Variants in NYAP2 observed in about 807,000 individuals in gnomAD.
NYAP2 encodes neuronal tyrosine-phosphorylated phosphoinositide-3-kinase adapter 2.
A neutral mutation model predicts 50.4 loss-of-function variants in NYAP2; 23 were observed. The ratio of observed to expected loss-of-function variants is 0.46; its 90% CI spans 0.33 to 0.65. NYAP2 has a LOEUF of 0.65. Among genes scored for constraint, NYAP2 ranks in the 30% least tolerant of loss-of-function variants. NYAP2 has a pLI of 0.02. For synonymous variants in NYAP2, 394 were observed against 365.2 expected (o/e 1.08, Z -0.90); for missense variants, 885 against 861.0 (o/e 1.03, Z -0.35).
At chr2:225,458,531 C>A (rs549569775) in intron 3 of NYAP2, among the ~76,000 whole-genome samples, 1 of 152,062 alleles carries the variant, frequency 6.6e-6, no homozygotes, top group Non-Finnish European at 1.5e-5. Context: ...TATCTGATTG[C>A]CAAACAAAAG....
chr2:225,515,423 A>T (rs1439891144), intron 4 of NYAP2, among the ~76,000 whole-genome samples: 1 of 152,172 alleles, frequency 6.6e-6, no homozygotes, highest in East Asian at 1.9e-4. Context: ...GAATACTCAG[A>T]TTGATTGTTT....
At chr2:225,502,176 G>C (rs1690619118) in intron 3 of NYAP2, among the ~76,000 whole-genome samples, 1 of 152,220 alleles carries the variant, frequency 6.6e-6, no homozygotes, top group Admixed American at 6.5e-5. Context: ...GCACTGTAGA[G>C]AAAGATCAGC....
chr2:225,691,551 C>T, the NYAP2 span, among the ~76,000 whole-genome samples: 1 of 152,074 alleles, frequency 6.6e-6, no homozygotes, highest in Non-Finnish European at 1.5e-5. Flanking sequence ...TGTTTATGTG[C>T]TTACTTTTTC....
At chr2:225,504,212 T>G (rs1210700606) in intron 3 of NYAP2, among the ~76,000 whole-genome samples, 3 of 152,174 alleles carry the variant, frequency 2.0e-5, no homozygotes, top group African/African-American at 7.2e-5. Flanking sequence ...GATGGCAGAT[T>G]CAGTGTCTGG....
exon 3 of NYAP2, chr2:225,408,885 T>C (rs377610166): frequency 2.0e-5 from 32 of 1,603,240 alleles, no homozygotes; most frequent in Non-Finnish European, 2.6e-5. Context: ...CTTTACATGA[T>C]ATCCTCCAAG....
the NYAP2 span, among the ~76,000 whole-genome samples, chr2:225,682,352 G>T: frequency 6.6e-6 from 1 of 152,266 alleles, no homozygotes; most frequent in East Asian, 1.9e-4. Flanking sequence ...AGTGTGAAAA[G>T]CCATGAGTAA....
chr2:225,659,711 C>A, the NYAP2 span, among the ~76,000 whole-genome samples: 1 of 152,086 alleles, frequency 6.6e-6, no homozygotes, highest in East Asian at 1.9e-4. Flanking sequence ...GGCTGTAAGA[C>A]CTGGAATATG....
intron 3 of NYAP2, among the ~76,000 whole-genome samples, chr2:225,506,057 G>C (rs1011415837): frequency 6.6e-6 from 1 of 150,540 alleles, no homozygotes; most frequent in Non-Finnish European, 1.5e-5. Context: ...GACTGAGAGA[G>C]AGAAAAAAAA....
At chr2:225,552,896 C>T (rs1691702863) in intron 4 of NYAP2, among the ~76,000 whole-genome samples, 1 of 152,140 alleles carries the variant, frequency 6.6e-6, no homozygotes, top group Non-Finnish European at 1.5e-5. Flanking sequence ...CCATATTGGC[C>T]AGGTTGGTCT....
intron 3 of NYAP2, among the ~76,000 whole-genome samples, chr2:225,409,812 T>C (rs971049046): frequency 3.3e-5 from 5 of 152,112 alleles, no homozygotes; most frequent in South Asian, 2.1e-4. Context: ...AGTTTGCCTG[T>C]GTGTGTGTCT....
intron 4 of NYAP2, among the ~76,000 whole-genome samples, chr2:225,576,832 G>A (rs574501583): frequency 3.9e-5 from 6 of 152,226 alleles, no homozygotes; most frequent in African/African-American, 1.4e-4. Flanking sequence ...GGTTAGTAAG[G>A]AATTCATATT....
chr2:225,501,719 A>G (rs1049397598), intron 3 of NYAP2, among the ~76,000 whole-genome samples: 1 of 152,204 alleles, frequency 6.6e-6, no homozygotes, highest in East Asian at 1.9e-4. Flanking sequence ...GAAAATGCCT[A>G]TCCCAAAATA....
the NYAP2 span, among the ~76,000 whole-genome samples, chr2:225,690,064 G>A: frequency 6.6e-6 from 1 of 152,080 alleles, no homozygotes; most frequent in African/African-American, 2.4e-5. Context: ...GAAAATTATA[G>A]TGCAGAGTCA....
chr2:225,583,933 G>A (rs1002490596), intron 5 of NYAP2, among the ~76,000 whole-genome samples: 6 of 151,996 alleles, frequency 3.9e-5, no homozygotes, highest in South Asian at 2.1e-4. Context: ...TCCCAGCTAC[G>A]CGGGAGGCTG....
intron 3 of NYAP2, among the ~76,000 whole-genome samples, chr2:225,429,783 T>C (rs1695339687): frequency 6.6e-6 from 1 of 152,214 alleles, no homozygotes; most frequent in Non-Finnish European, 1.5e-5. Context: ...TCATTTTCTT[T>C]TTAGTATTAA....
At chr2:225,621,508 C>T (rs955076022) in intron 5 of NYAP2, among the ~76,000 whole-genome samples, 1 of 152,058 alleles carries the variant, frequency 6.6e-6, no homozygotes, top group African/African-American at 2.4e-5. Flanking sequence ...TAAGTAGGTA[C>T]AGACCTTCAG....
chr2:225,573,666 G>A (rs370516761), intron 4 of NYAP2, among the ~76,000 whole-genome samples: 2 of 152,194 alleles, frequency 1.3e-5, no homozygotes, highest in African/African-American at 4.8e-5. Context: ...TGGCAGTTGG[G>A]ATGGGTTGGA....
rs755609110 is a variant in NYAP2 at position 225,436,739 on chromosome 2, CAAAAAAAA to C, written c.221+27651_221+27658del. On this transcript the variant is annotated intron_variant, in intron 3 of 6. Coordinates refer to ENST00000636099, the Ensembl canonical transcript of NYAP2. ...CTCTGATAGTTTTCTTCTGTATAGT[CAAAAAAAA>C]AAAAAAAAAAAAGAGAGAAGAAGAA... 2.7e-5 allele frequency among the ~76,000 whole-genome samples: 3 copies of C among 109,436 alleles called. No homozygotes were observed. The Admixed American group carries it at 3.0e-4, about 11-fold the overall frequency. The allele number at this position is 109,436 out of a possible 152,430, so 71.8% of individuals were successfully genotyped here.
chr2:225,563,918 A>G (rs1691916812), intron 4 of NYAP2, among the ~76,000 whole-genome samples: 1 of 152,106 alleles, frequency 6.6e-6, no homozygotes, highest in Non-Finnish European at 1.5e-5. Context: ...GGGAAAAGCC[A>G]CACGGGGAAT....
Sources: allele counts gnomAD v4.1 joint callset (sites outside exome capture counted in the v4.1 genomes callset), GRCh38; gene constraint gnomAD v4.1.1; transcripts MANE v1.5; gene names NCBI Gene and HGNC (gene_info 2026-07-23, HGNC 2026-07-21).